TAFA1: variants seen among roughly 807,000 people sequenced by gnomAD.
TAFA1 encodes chemokine-like protein TAFA-1.
Under a neutral mutation model 18.5 loss-of-function variants are expected in TAFA1, and 4 were observed. The ratio of observed to expected loss-of-function variants is 0.22; its 90% CI spans 0.11 to 0.49. The LOEUF is 0.49. TAFA1 is among the 20% of genes least tolerant of loss of function. TAFA1 has a pLI of 0.98. For missense variants in TAFA1, 147 were observed against 169.0 expected (o/e 0.87, Z 0.72); for synonymous variants, 56 against 55.2 (o/e 1.01, Z -0.06).
chr3:68,433,596 A>G (rs999824276), intron 3 of TAFA1, among the ~76,000 whole-genome samples: 3 of 152,128 alleles, frequency 2.0e-5, no homozygotes, highest in African/African-American at 7.2e-5. Context: ...TGCCCAGCAC[A>G]ATGACTGGTA....
At chr3:68,333,509 C>T (rs1479103714) in intron 2 of TAFA1, among the ~76,000 whole-genome samples, 2 of 151,472 alleles carry the variant, frequency 1.3e-5, no homozygotes, top group Non-Finnish European at 3.0e-5. Context: ...GATCAAAAAA[C>T]TATTGGGTAC....
intron 4 of TAFA1, among the ~76,000 whole-genome samples, chr3:68,540,482 T>G (rs761238768): frequency 7.2e-5 from 11 of 152,252 alleles, no homozygotes; most frequent in African/African-American, 9.6e-5. Context: ...CTAAAACTGA[T>G]TCTTCCCAAT....
chr3:68,009,885 A>G (rs1704436856), intron 2 of TAFA1, among the ~76,000 whole-genome samples: 1 of 152,220 alleles, frequency 6.6e-6, no homozygotes, highest in African/African-American at 2.4e-5. Flanking sequence ...AGGGCCAGTT[A>G]TCTGTGACAA....
At chr3:68,143,200 A>C (rs2065692219) in intron 2 of TAFA1, among the ~76,000 whole-genome samples, 1 of 152,204 alleles carries the variant, frequency 6.6e-6, no homozygotes, top group South Asian at 2.1e-4. Context: ...ACTATGTGCT[A>C]TTCCCTGTGG....
At chr3:68,031,443 G>A (rs1704933111) in intron 2 of TAFA1, among the ~76,000 whole-genome samples, 1 of 152,114 alleles carries the variant, frequency 6.6e-6, no homozygotes, top group African/African-American at 2.4e-5. Context: ...CGGAAATAGT[G>A]GGCAGTGCTT....
intron 2 of TAFA1, among the ~76,000 whole-genome samples, chr3:68,088,943 G>T (rs556140505): frequency 5.3e-4 from 81 of 152,232 alleles, no homozygotes; most frequent in African/African-American, 1.9e-3. Flanking sequence ...TAGGATGTAG[G>T]GGGAGAGGGA....
chr3:68,016,691 G>T (rs747783007), intron 2 of TAFA1, among the ~76,000 whole-genome samples: 2 of 152,124 alleles, frequency 1.3e-5, no homozygotes, highest in Non-Finnish European at 2.9e-5. Context: ...TATCCCTGTT[G>T]TTAAGCGATA....
intron 2 of TAFA1, among the ~76,000 whole-genome samples, chr3:68,285,400 T>G (rs1229474046): frequency 6.6e-6 from 1 of 152,114 alleles, no homozygotes; most frequent in Admixed American, 6.5e-5. Context: ...TTTTAAGATT[T>G]GTAGATTTTA....
At chr3:68,271,873 C>G (rs932348758) in intron 2 of TAFA1, among the ~76,000 whole-genome samples, 1 of 151,614 alleles carries the variant, frequency 6.6e-6, no homozygotes, top group Non-Finnish European at 1.5e-5. Context: ...TAAATATATA[C>G]AATGAGTTTA....
chr3:68,385,621 A>T (rs1433183142), intron 2 of TAFA1, among the ~76,000 whole-genome samples: 1 of 152,238 alleles, frequency 6.6e-6, no homozygotes, highest in South Asian at 2.1e-4. Flanking sequence ...GTTGTAGGCA[A>T]TCTCAAGTGT....
At chr3:68,515,456 G>T (rs2072907199) in intron 3 of TAFA1, among the ~76,000 whole-genome samples, 1 of 152,088 alleles carries the variant, frequency 6.6e-6, no homozygotes, top group Non-Finnish European at 1.5e-5. Flanking sequence ...CTGTTTCCAG[G>T]AAGTATGGTT....
chr3:68,471,733 C>T (rs1045996403), intron 3 of TAFA1, among the ~76,000 whole-genome samples: 2 of 152,162 alleles, frequency 1.3e-5, no homozygotes, highest in African/African-American at 4.8e-5. Context: ...AAATATTAAT[C>T]TCCTTTGGTG....
At chr3:67,993,652 T>C in the TAFA1 span, among the ~76,000 whole-genome samples, 1 of 152,214 alleles carries the variant, frequency 6.6e-6, no homozygotes, top group Admixed American at 6.5e-5. Context: ...TAAAGGGCTT[T>C]ACTGGCTGCC....
chr3:68,470,938 A>T (rs922636050), intron 3 of TAFA1, among the ~76,000 whole-genome samples: 13 of 152,044 alleles, frequency 8.6e-5, no homozygotes, highest in African/African-American at 3.1e-4. Flanking sequence ...ACCACCACAG[A>T]CCTGGAAGCC....
rs572004046 is a variant in TAFA1, at chr3:68,377,291, CTTG to C, written c.119-39985_119-39983del. On this transcript the variant is annotated intron_variant, in intron 2 of 4. Coordinates refer to ENST00000478136, the MANE Select transcript of TAFA1 (RefSeq NM_213609.4). ...TGGGAAGTTTGGAACTTCCTAGAGA[CTTG>C]TTGAGTGGTTTTGACCAAAATGCTG... is the stretch of plus-strand genomic sequence containing the variant. 2.4e-4 allele frequency among the ~76,000 whole-genome samples: 37 copies of C among 152,242 alleles called. No individual in the cohort carries two copies. The South Asian group carries it at 7.0e-3, about 29-fold the overall frequency.
At chr3:68,329,216 C>CTTTTTTTTTTTTTTTTTTTTT (rs10681423) in intron 2 of TAFA1, among the ~76,000 whole-genome samples, 10 of 89,002 alleles carry the variant, frequency 1.1e-4, no homozygotes, top group Admixed American at 3.1e-4. Context: ...GCCTGGCTGC[C>CTTTTTTTTTTTTTTTTTTTTT]TTTTTTTTTT....
chr3:68,080,825 T>C (rs2064888544), intron 2 of TAFA1, among the ~76,000 whole-genome samples: 1 of 152,176 alleles, frequency 6.6e-6, no homozygotes, highest in South Asian at 2.1e-4. Flanking sequence ...ACCTTTGTGG[T>C]GTTCTCTATA....
chr3:68,515,788 T>C (rs2072911847), intron 3 of TAFA1, among the ~76,000 whole-genome samples: 1 of 152,228 alleles, frequency 6.6e-6, no homozygotes, highest in South Asian at 2.1e-4. Context: ...CCAGGATTGC[T>C]GCAAGCATTA....
chr3:68,127,281 T>C (rs1441997464), intron 2 of TAFA1, among the ~76,000 whole-genome samples: 4 of 152,094 alleles, frequency 2.6e-5, no homozygotes, highest in South Asian at 2.1e-4. Context: ...GTTAAGGTCA[T>C]TGGCAATGTG....
Sources: gnomAD v4.1 joint callset for allele counts (sites outside exome capture counted in the v4.1 genomes callset) on GRCh38, gnomAD v4.1.1 for gene constraint, MANE v1.5 for transcripts, NCBI Gene and HGNC (gene_info 2026-07-23, HGNC 2026-07-21) for gene names.